The following SENP1 variants were observed in gnomAD, a reference collection of about 807,000 sequenced individuals.
SENP1 encodes the protein sentrin-specific protease 1.
In SENP1, 21 loss-of-function variants were observed where a neutral mutation model predicts 93.0. That is an observed-to-expected ratio of 0.23 (90% CI 0.16 to 0.33). The LOEUF (loss-of-function observed/expected upper bound fraction) is 0.33, where lower values mean the gene tolerates loss of function less well. SENP1 is among the 10% of genes least tolerant of loss of function. SENP1 has a pLI of 1.00. For synonymous variants in SENP1, 256 were observed against 259.6 expected, an observed-to-expected ratio of 0.99 and a Z score of 0.13; for missense variants, 591 against 758.7, an observed-to-expected ratio of 0.78 and a Z score of 2.60.
chr12:48,095,370 T>C (rs1945487614), intron 4 of SENP1, among the ~76,000 whole-genome samples: 1 of 151,916 alleles, frequency 6.6e-6, no homozygotes, highest in Non-Finnish European at 1.5e-5. Context: ...ACCCCGTCTC[T>C]ACTAAAATTA....
At chr12:48,048,468 G>A (rs1277093276) in intron 14 of SENP1, among the ~76,000 whole-genome samples, 2 of 152,176 alleles carry the variant, frequency 1.3e-5, no homozygotes, top group African/African-American at 4.8e-5. Context: ...TTTATATTGA[G>A]AAGTTCCTTT....
At chr12:48,068,969 A>G (rs1444292678) in intron 9 of SENP1, among the ~76,000 whole-genome samples, 1 of 151,990 alleles carries the variant, frequency 6.6e-6, no homozygotes, top group African/African-American at 2.4e-5. Context: ...CTTGGCCAAC[A>G]TGGTGAAACC....
intron 6 of SENP1, among the ~76,000 whole-genome samples, chr12:48,080,965 A>T (rs1944453910): frequency 6.6e-6 from 1 of 152,170 alleles, no homozygotes; most frequent in South Asian, 2.1e-4. Flanking sequence ...GCTGTTTGGA[A>T]GGGTAAAATT....
intron 13 of SENP1, among the ~76,000 whole-genome samples, chr12:48,053,272 G>A (rs985557507): frequency 6.6e-6 from 1 of 151,988 alleles, no homozygotes; most frequent in Non-Finnish European, 1.5e-5. Context: ...CCAGGAATTC[G>A]AGACCAGGCT....
At chr12:48,064,862 A>G (rs1943189755) in intron 12 of SENP1, among the ~76,000 whole-genome samples, 1 of 152,106 alleles carries the variant, frequency 6.6e-6, no homozygotes, top group African/African-American at 2.4e-5. Context: ...TTTTTGGTAG[A>G]GATGGGGTTT....
intron 4 of SENP1, among the ~76,000 whole-genome samples, chr12:48,095,809 G>C (rs1945520596): frequency 6.6e-6 from 1 of 152,184 alleles, no homozygotes; most frequent in Non-Finnish European, 1.5e-5. Flanking sequence ...ACAGCCTAGA[G>C]AATGCTGACT....
chr12:48,086,790 G>A (rs1436613717), intron 5 of SENP1, among the ~76,000 whole-genome samples: 1 of 152,062 alleles, frequency 6.6e-6, no homozygotes, highest in Non-Finnish European at 1.5e-5. Context: ...ATAATCCCAG[G>A]AAGGGATCGG....
At chr12:48,054,158 A>G (rs1833929401) in intron 13 of SENP1, among the ~76,000 whole-genome samples, 1 of 152,188 alleles carries the variant, frequency 6.6e-6, no homozygotes, top group Non-Finnish European at 1.5e-5. Flanking sequence ...TACCTGTTCC[A>G]GTCTTCTATA....
At chr12:48,078,176 T>C (rs1424043521) in intron 6 of SENP1, among the ~76,000 whole-genome samples, 2 of 151,514 alleles carry the variant, frequency 1.3e-5, no homozygotes, top group Non-Finnish European at 2.9e-5. Flanking sequence ...CTATTGTAAA[T>C]GGGATTGTTC....
At position 48,101,675 on chromosome 12, in the gene SENP1, T is replaced by TA. The variant is rs546728742; in HGVS notation, c.-44-160dup. 1.6e-3 allele frequency among the ~76,000 whole-genome samples: 238 copies of TA among 152,284 alleles called. 1 individual carries two copies. The highest frequency in any genetic ancestry group is 3.3e-3 in the South Asian group (16 of 4,828). ...GACTTGATGGGAAAAGAGTAAAAAC[T>TA]AAAACTAGCTTGAGGTACTTCCAAA... On this transcript the variant is annotated intron_variant, in intron 1 of 17. Transcript: ENST00000549518.
intron 9 of SENP1, among the ~76,000 whole-genome samples, chr12:48,069,056 G>A (rs1196813446): frequency 1.4e-5 from 2 of 142,948 alleles, no homozygotes; most frequent in Non-Finnish European, 3.0e-5. Context: ...TGGAGGGTAA[G>A]GCACGAGAAT....
intron 4 of SENP1, among the ~76,000 whole-genome samples, chr12:48,092,882 G>A (rs1018353905): frequency 6.6e-6 from 1 of 152,114 alleles, no homozygotes; most frequent in Non-Finnish European, 1.5e-5. Context: ...TATTCTTTGT[G>A]AATATCAAGG....
intron 13 of SENP1, among the ~76,000 whole-genome samples, chr12:48,049,462 G>A (rs1376336485): frequency 2.0e-5 from 3 of 152,190 alleles, no homozygotes; most frequent in African/African-American, 7.2e-5. Context: ...TTACAGAAAA[G>A]GAGAGGAAGG....
intron 13 of SENP1, among the ~76,000 whole-genome samples, chr12:48,052,420 T>C (rs781608855): frequency 5.3e-5 from 8 of 152,166 alleles, no homozygotes; most frequent in Non-Finnish European, 1.5e-5. Flanking sequence ...TGAGCAGAGA[T>C]CAAGACAACT....
In SENP1 at chr12:48,056,891, ATTT is replaced by A. The variant is rs1440702415; in HGVS notation, c.1407+6816_1407+6818del. 3.3e-5 allele frequency among the ~76,000 whole-genome samples: 2 copies of A among 60,242 alleles called. 1 individual carries two copies. The highest frequency in any genetic ancestry group is 5.4e-5 in the Non-Finnish European group (2 of 37,354). 39.5% of individuals were successfully genotyped at this position (60,242 alleles called of 152,430 possible). A position where few individuals can be genotyped will look rare whatever the true frequency, so the allele number is the denominator to read the frequency against. ...TTACATATTACATATATAATATATTATTTAATATATTACATATTACATATATAA... is the reference window on the plus strand; with the variant it reads ...TTACATATTACATATATAATATATTAAATATATTACATATTACATATATAA... On this transcript the variant is annotated intron_variant, in intron 13 of 17. Coordinates refer to ENST00000549518, the MANE Select transcript of SENP1 (RefSeq NM_001267594.2).
intron 1 of SENP1, among the ~76,000 whole-genome samples, chr12:48,103,795 G>A (rs1326942404): frequency 6.6e-6 from 1 of 152,166 alleles, no homozygotes; most frequent in African/African-American, 2.4e-5. Flanking sequence ...AAGATAATGG[G>A]AAACCTGAAA....
intron 2 of SENP1, among the ~76,000 whole-genome samples, chr12:48,099,770 C>T (rs1282203610): frequency 3.9e-5 from 6 of 152,210 alleles, no homozygotes; most frequent in African/African-American, 1.2e-4. Flanking sequence ...GATAACACCA[C>T]TGCACTCCAG....
chr12:48,063,913 C>T, intron 12 of SENP1, 72 bp from the exon 13 acceptor site: 2 of 1,346,012 alleles, frequency 1.5e-6, no homozygotes, highest in Non-Finnish European at 2.1e-6. Flanking sequence ...CACCAAACCC[C>T]ATATAATCCT....
chr12:48,076,679 T>C (rs1944110925), intron 6 of SENP1, among the ~76,000 whole-genome samples: 1 of 150,378 alleles, frequency 6.6e-6, no homozygotes, highest in Non-Finnish European at 1.5e-5. Flanking sequence ...AGTCTCACTC[T>C]GTCACCAGGC....
Sources: gnomAD v4.1 joint callset for allele counts (sites outside exome capture counted in the v4.1 genomes callset) on GRCh38, gnomAD v4.1.1 for gene constraint, MANE v1.5 for transcripts, NCBI Gene and HGNC (gene_info 2026-07-23, HGNC 2026-07-21) for gene names.